The following HIVEP2 variants were observed in gnomAD, a reference collection of about 807,000 sequenced individuals.
HIVEP2 encodes the protein transcription factor HIVEP2.
A neutral mutation model predicts 180.7 loss-of-function variants in HIVEP2; 14 were observed. The ratio of observed to expected loss-of-function variants is 0.08; its 90% CI spans 0.05 to 0.12. The LOEUF is 0.12. Ranked by LOEUF, HIVEP2 falls within the 10% of genes least tolerant of loss-of-function variation. The pLI, the probability that HIVEP2 is intolerant of heterozygous loss-of-function variation, is 1.00. For missense variants in HIVEP2, 2,579 were observed against 3,008.5 expected (o/e 0.86, Z 3.34); for synonymous variants, 1,184 against 1,136.4 (o/e 1.04, Z -0.84).
chr6:142,839,290 C>G (rs113569953), intron 1 of HIVEP2, among the ~76,000 whole-genome samples: 1 of 152,144 alleles, frequency 6.6e-6, no homozygotes, highest in African/African-American at 2.4e-5. Context: ...CAGTGCAACA[C>G]CTCAAATAAT....
intron 1 of HIVEP2, among the ~76,000 whole-genome samples, chr6:142,846,333 C>A (rs1582908703): frequency 1.3e-5 from 2 of 152,226 alleles, no homozygotes; most frequent in South Asian, 4.1e-4. Flanking sequence ...TCTGCAAAGG[C>A]AGACACCACA....
intron 1 of HIVEP2, among the ~76,000 whole-genome samples, chr6:142,934,929 T>C (rs1257645761): frequency 6.6e-6 from 1 of 152,066 alleles, no homozygotes; most frequent in Non-Finnish European, 1.5e-5. Flanking sequence ...CAAGAAACAA[T>C]GCTTCCTCAA....
In HIVEP2 at chr6:142,880,472, C is replaced by T. The variant is rs186090244; in HGVS notation, c.-640-43425G>A. The stretch of plus-strand genomic sequence containing the variant: ...CACCAGACACAGTCACCAGCGTGTC[C>T]TACATTGATGACAAAGAAGCCTCTC... On this transcript the variant is annotated intron_variant, in intron 1 of 9. Coordinates refer to ENST00000367603, the MANE Select transcript of HIVEP2 (RefSeq NM_006734.4). 2.0e-5 allele frequency among the ~76,000 whole-genome samples: 3 copies of T among 152,256 alleles called. No homozygotes were observed. In the East Asian group the frequency reaches 5.8e-4, roughly 29 times the overall value.
In HIVEP2 at chr6:142,771,741, A is replaced by C; in HGVS notation, c.2998T>G (p.Phe1000Val). 6.2e-7 allele frequency: 1 copy of C among 1,614,168 alleles called. No homozygotes were observed. The highest frequency in any genetic ancestry group is 1.1e-5 in the South Asian group (1 of 91,076). Residue 1000 changes from phenylalanine (F) to valine (V), a missense_variant, in exon 5 of 10, where the codon TTT becomes GTT. Physicochemically the swap from Phe to Val is conservative, Grantham distance 50. Coordinates refer to ENST00000367603, the MANE Select transcript of HIVEP2 (RefSeq NM_006734.4). This position sits in a 1 kb window ranked among gnomAD's most constrained non-coding sequence, Gnocchi z 5.4. ...GTCAGAAACTCTGAATGCTTCCCAA[A>C]CTCATCCTGCTTAGGAAGTGCAGAA... The part of the protein sequence containing the change: ...KLSALPKQDE[F>V]GKHSEFLTVP...
chr6:142,814,942 A>T (rs1313011587), intron 2 of HIVEP2, among the ~76,000 whole-genome samples: 2 of 152,146 alleles, frequency 1.3e-5, no homozygotes, highest in Non-Finnish European at 2.9e-5. Context: ...TAACAAGCAG[A>T]AATTTTTTGC....
intron 1 of HIVEP2, among the ~76,000 whole-genome samples, chr6:142,871,715 A>G (rs1351687569): frequency 6.6e-6 from 1 of 151,984 alleles, no homozygotes; most frequent in Non-Finnish European, 1.5e-5. Flanking sequence ...CCTCTCCCTA[A>G]TTACTACTAG....
intron 1 of HIVEP2, among the ~76,000 whole-genome samples, chr6:142,935,480 C>T (rs531568221): frequency 3.2e-4 from 48 of 152,156 alleles, no homozygotes; most frequent in African/African-American, 1.2e-3. Context: ...GCCCGGTAGT[C>T]GGAGGTTGCA....
At chr6:142,889,802 C>G (rs1582944196) in intron 1 of HIVEP2, among the ~76,000 whole-genome samples, 1 of 152,234 alleles carries the variant, frequency 6.6e-6, no homozygotes, top group Admixed American at 6.5e-5. Flanking sequence ...TATTTTGGTG[C>G]TGTCCACTAG....
chr6:142,842,536 G>T (rs1002746212), intron 1 of HIVEP2, among the ~76,000 whole-genome samples: 1 of 152,118 alleles, frequency 6.6e-6, no homozygotes, highest in Non-Finnish European at 1.5e-5. Context: ...TTTGCCATCC[G>T]CACTTTGAAA....
chr6:142,901,169 C>T (rs1296651281), intron 1 of HIVEP2, among the ~76,000 whole-genome samples: 1 of 152,162 alleles, frequency 6.6e-6, no homozygotes, highest in Non-Finnish European at 1.5e-5. Context: ...TGAGTGCATA[C>T]ATGATGTGTG....
chr6:142,768,577 C>T (rs781477877), intron 5 of HIVEP2, 41 bp from the exon 6 acceptor site: 2 of 1,600,590 alleles, frequency 1.2e-6, no homozygotes, highest in South Asian at 1.1e-5. Context: ...ATGCTTTCTC[C>T]AAGACACAGG....
chr6:142,831,524 G>C (rs1278019878), intron 2 of HIVEP2, among the ~76,000 whole-genome samples: 1 of 152,118 alleles, frequency 6.6e-6, no homozygotes, highest in East Asian at 1.9e-4. Flanking sequence ...ACGCCCCTTT[G>C]TCCTGCAGTC....
In HIVEP2 at chr6:142,773,887, C is replaced by G; in HGVS notation, c.852G>C (p.Glu284Asp). Residue 284 changes from glutamate to aspartate, a missense_variant, in exon 5 of 10, where the codon GAG becomes GAC. Around this residue, in one of 11 missense-constraint regions of HIVEP2, gnomAD observed 142 missense variants for 135.2 expected, o/e 1.05. Transcript: ENST00000367603. ...DGEQSTDTDE[E>D]SSLFAEASDK... Reference sequence around the variant, plus strand: ...CAGAAGCCTCGGCAAATAAAGAACTCTCCTCATCTGTGTCTGTACTCTGTT... The same window carrying G: ...CAGAAGCCTCGGCAAATAAAGAACTGTCCTCATCTGTGTCTGTACTCTGTT... 1 of 1,613,774 alleles carries G rather than the reference C, an allele frequency of 6.2e-7. No individual in the cohort carries two copies. The highest frequency in any genetic ancestry group is 8.5e-7 in the Non-Finnish European group (1 of 1,180,022).
chr6:142,900,287 G>GAGTATGGC (rs1176436373), intron 1 of HIVEP2, among the ~76,000 whole-genome samples: 2 of 152,164 alleles, frequency 1.3e-5, no homozygotes, highest in Non-Finnish European at 2.9e-5. Flanking sequence ...TGACAAAGAT[G>GAGTATGGC]AGTATGGCTG....
chr6:142,786,724 C>T (rs551608289), intron 2 of HIVEP2, among the ~76,000 whole-genome samples: 1 of 152,208 alleles, frequency 6.6e-6, no homozygotes, highest in African/African-American at 2.4e-5. Flanking sequence ...TTAAAAATAC[C>T]CATTGTTAGT....
At chr6:142,769,412 G>A in intron 5 of HIVEP2, 140 bp downstream of exon 5, 1 of 697,852 alleles carries the variant, frequency 1.4e-6, no homozygotes, top group Non-Finnish European at 2.4e-6. Context: ...TCCTGAGTAA[G>A]GCCAGACTTT....
At chr6:142,883,359 G>C (rs1280618191) in intron 1 of HIVEP2, among the ~76,000 whole-genome samples, 1 of 151,920 alleles carries the variant, frequency 6.6e-6, no homozygotes, top group East Asian at 1.9e-4. Flanking sequence ...GCAGTCATCA[G>C]ATTATCAAAA....
At chr6:142,787,240 C>T (rs542291557) in intron 2 of HIVEP2, among the ~76,000 whole-genome samples, 1 of 132,268 alleles carries the variant, frequency 7.6e-6, no homozygotes, top group African/African-American at 2.6e-5. Context: ...AGTGAGACCC[C>T]GTCTCAAAAA....
At chr6:142,757,491 T>C (rs1775106320) in intron 9 of HIVEP2, among the ~76,000 whole-genome samples, 1 of 152,056 alleles carries the variant, frequency 6.6e-6, no homozygotes, top group South Asian at 2.1e-4. Flanking sequence ...AAACCATGTT[T>C]CTACTAAAAA....
Sources: allele counts gnomAD v4.1 joint callset (sites outside exome capture counted in the v4.1 genomes callset), GRCh38; gene constraint gnomAD v4.1.1; regional missense constraint gnomAD v4.1.1; non-coding constraint Gnocchi (gnomAD v3.1); transcripts MANE v1.5; gene names NCBI Gene and HGNC (gene_info 2026-07-23, HGNC 2026-07-21).